RNF169: variants seen among roughly 807,000 people sequenced by gnomAD.
RNF169 encodes the protein ring finger protein 169, also known as E3 ubiquitin-protein ligase RNF169.
In RNF169, 24 loss-of-function variants were observed where a neutral mutation model predicts 53.9. The observed-to-expected ratio is 0.45, with a 90% CI of 0.32 to 0.63. The LOEUF is 0.63. Among genes scored for constraint, RNF169 ranks in the 20% least tolerant of loss-of-function variants. The probability of loss-of-function intolerance (pLI) is 0.04; values close to 1 mark genes in which losing one functional copy is unlikely to be tolerated. For missense variants in RNF169, 883 were observed against 906.2 expected (o/e 0.97, Z 0.33); for synonymous variants, 396 against 363.5 (o/e 1.09, Z -1.02).
At chr11:74,764,612 T>G (rs949967462) in intron 1 of RNF169, among the ~76,000 whole-genome samples, 1 of 152,162 alleles carries the variant, frequency 6.6e-6, no homozygotes, top group Non-Finnish European at 1.5e-5. Context: ...ATTATAAACC[T>G]AAAGCATATA....
chr11:74,749,424 G>A, intron 1 of RNF169, 42 bp downstream of exon 1: 2 of 1,200,846 alleles, frequency 1.7e-6, no homozygotes, highest in African/African-American at 3.1e-5. Flanking sequence ...GAGCGAGGCC[G>A]AGCGCGCCCC....
intron 1 of RNF169, among the ~76,000 whole-genome samples, chr11:74,773,404 G>A (rs2035287129): frequency 6.6e-6 from 1 of 152,032 alleles, no homozygotes; most frequent in Non-Finnish European, 1.5e-5. Context: ...GTGTTTATCA[G>A]CTTAGATGAC....
At chr11:74,771,821 G>A (rs966749659) in intron 1 of RNF169, among the ~76,000 whole-genome samples, 9 of 152,234 alleles carry the variant, frequency 5.9e-5, no homozygotes, top group African/African-American at 2.2e-4. Context: ...GGGAGGCCGA[G>A]GTAGGAGGAT....
chr11:74,774,169 G>C (rs2035297819), intron 1 of RNF169, among the ~76,000 whole-genome samples: 1 of 152,026 alleles, frequency 6.6e-6, no homozygotes, highest in African/African-American at 2.4e-5. Flanking sequence ...GTGAAACCCT[G>C]TCTCTGCTAA....
chr11:74,809,108 GT>G (rs2035841134), intron 2 of RNF169, among the ~76,000 whole-genome samples: 1 of 151,586 alleles, frequency 6.6e-6, no homozygotes, highest in East Asian at 1.9e-4. Flanking sequence ...TTTTTTTCCT[GT>G]TTTTGTGTGT....
At chr11:74,821,799 T>G (rs1336860035) in intron 4 of RNF169, among the ~76,000 whole-genome samples, 1 of 152,200 alleles carries the variant, frequency 6.6e-6, no homozygotes, top group African/African-American at 2.4e-5. Context: ...TAGGGTTCCT[T>G]TTTGAGGTGA....
chr11:74,839,892 T>G lies in RNF169; in HGVS notation c.*3162T>G, dbSNP rs754848495. On this transcript the variant is annotated 3_prime_UTR_variant, in exon 6 of 6. Transcript: ENST00000299563. ...GCCTCTTTTTAAAAAAGGTTAAGTC[T>G]TCTTGGGTGAGGCTTGCCAGGGAAA... The G allele has an allele frequency of 6.6e-6, 1 of 152,214 alleles. No homozygotes were observed. Among genetic ancestry groups the G allele is most frequent in the Non-Finnish European group, 1.5e-5 (1 of 68,032 alleles). 9.4% of individuals were successfully genotyped at this position (152,214 alleles called of 1,614,324 possible).
chr11:74,796,761 C>T (rs2035654922), intron 2 of RNF169, among the ~76,000 whole-genome samples: 1 of 152,178 alleles, frequency 6.6e-6, no homozygotes, highest in South Asian at 2.1e-4. Flanking sequence ...GAACTGCTTT[C>T]AGTTATTCTG....
At chr11:74,808,624 T>C (rs78925597) in intron 2 of RNF169, among the ~76,000 whole-genome samples, 286 of 152,326 alleles carry the variant, frequency 1.9e-3, no homozygotes, top group African/African-American at 6.6e-3. Flanking sequence ...TGAGATAATA[T>C]AGACATAGTG....
chr11:74,797,038 G>T (rs773179681), intron 2 of RNF169, among the ~76,000 whole-genome samples: 13 of 152,094 alleles, frequency 8.5e-5, no homozygotes, highest in Non-Finnish European at 1.5e-4. Context: ...TTTTCAAGGG[G>T]TATTTTCTCC....
At chr11:74,791,092 CAA>C (rs935439736) in intron 2 of RNF169, among the ~76,000 whole-genome samples, 1 of 152,198 alleles carries the variant, frequency 6.6e-6, no homozygotes, top group African/African-American at 2.4e-5. Flanking sequence ...GTACAGCTCT[CAA>C]GAGACTGAAG....
chr11:74,791,900 A>G (rs1482663091), intron 2 of RNF169, among the ~76,000 whole-genome samples: 1 of 152,212 alleles, frequency 6.6e-6, no homozygotes. Context: ...CGTGGAGCGT[A>G]CAGCCCCAGC....
chr11:74,823,745 A>G (rs1346646568), intron 4 of RNF169, among the ~76,000 whole-genome samples: 1 of 151,544 alleles, frequency 6.6e-6, no homozygotes, highest in African/African-American at 2.4e-5. Context: ...TCAGAAAAAA[A>G]AAAAAAAAAA....
intron 3 of RNF169, among the ~76,000 whole-genome samples, chr11:74,812,719 G>A (rs78553296): frequency 6.6e-6 from 1 of 152,224 alleles, no homozygotes; most frequent in South Asian, 2.1e-4. Context: ...AGACCCAAAA[G>A]AATCTTAAGA....
chr11:74,829,896 A>G (rs2036153657), intron 4 of RNF169, among the ~76,000 whole-genome samples: 1 of 152,114 alleles, frequency 6.6e-6, no homozygotes, highest in African/African-American at 2.4e-5. Flanking sequence ...AAAAATAGCT[A>G]ATGGATGCTG....
At position 74,836,084 on chromosome 11, in the gene RNF169, C is replaced by G. The variant is rs774251667; in HGVS notation, c.1481C>G (p.Thr494Ser). Residue 494 changes from threonine to serine, a missense_variant, in exon 6 of 6, where the codon ACT becomes AGT. Thr to Ser is a moderately conservative substitution (Grantham distance 58, BLOSUM62 1). This residue lies in a region of RNF169 where 351 missense variants were observed against 337.3 expected (regional missense o/e 1.04). Coordinates refer to ENST00000299563, the MANE Select transcript of RNF169 (RefSeq NM_001098638.2). ...LSGGQVLSEY[T>S]GPTSADLDHF... ...GGTGGGCAGGTCCTCTCTGAGTATACTGGACCCACCTCTGCTGATCTTGAT... is the reference window on the plus strand; with the variant it reads ...GGTGGGCAGGTCCTCTCTGAGTATAGTGGACCCACCTCTGCTGATCTTGAT... 5 of 1,614,066 alleles carry G rather than the reference C, an allele frequency of 3.1e-6. No homozygotes were observed. In the African/African-American group the frequency reaches 6.7e-5, roughly 22 times the overall value.
chr11:74,823,020 G>A (rs1330867133), intron 4 of RNF169, among the ~76,000 whole-genome samples: 1 of 151,986 alleles, frequency 6.6e-6, no homozygotes. Context: ...AACATTGTCA[G>A]GTTTATTGCT....
chr11:74,768,626 T>G (rs1382187165), intron 1 of RNF169, among the ~76,000 whole-genome samples: 6 of 148,726 alleles, frequency 4.0e-5, no homozygotes, highest in Non-Finnish European at 7.4e-5. Flanking sequence ...AAAAAAAGGT[T>G]GTAAATGGAT....
intron 4 of RNF169, among the ~76,000 whole-genome samples, chr11:74,818,318 T>C (rs561134683): frequency 6.6e-6 from 1 of 152,176 alleles, no homozygotes; most frequent in Admixed American, 6.5e-5. Context: ...GGAGGACTCA[T>C]GCATACATTC....
Sources: gnomAD v4.1 joint callset for allele counts (sites outside exome capture counted in the v4.1 genomes callset) on GRCh38, gnomAD v4.1.1 for gene constraint, gnomAD v4.1.1 regional missense constraint, MANE v1.5 for transcripts, NCBI Gene and HGNC (gene_info 2026-07-23, HGNC 2026-07-21) for gene names.